Variants in CEP63 observed in about 807,000 individuals in gnomAD.
The protein encoded by CEP63 is centrosomal protein 63.
In CEP63, 84 loss-of-function variants were observed where a neutral mutation model predicts 89.1. The ratio of observed to expected loss-of-function variants is 0.94; its 90% CI spans 0.79 to 1.13. CEP63 has a LOEUF of 1.13. Ranked by LOEUF, CEP63 falls within the 50% of genes most tolerant of loss-of-function variation. The pLI is 0.00. For missense variants in CEP63, 838 were observed against 813.3 expected (o/e 1.03, Z -0.37); for synonymous variants, 267 against 272.5 (o/e 0.98, Z 0.20).
At chr3:134,672,140 CCA>C in the CEP63 span, among the ~76,000 whole-genome samples, 1 of 152,320 alleles carries the variant, frequency 6.6e-6, no homozygotes, top group South Asian at 2.1e-4. Context: ...ATATCATTGG[CCA>C]CCAGAGTCAG....
chr3:134,691,458 A>G, the CEP63 span, among the ~76,000 whole-genome samples: 308 of 149,580 alleles, frequency 2.1e-3, 3 homozygotes, highest in Middle Eastern at 0.014. Flanking sequence ...CTACAAAAAT[A>G]GCAAAAAAAT....
chr3:134,643,182 T>C, the CEP63 span: 3 of 735,276 alleles, frequency 4.1e-6, no homozygotes, highest in Non-Finnish European at 6.8e-6. Context: ...AAAAGGGTTT[T>C]CCAACACCCA....
At chr3:134,744,997 A>G in the CEP63 span, among the ~76,000 whole-genome samples, 1 of 152,238 alleles carries the variant, frequency 6.6e-6, no homozygotes, top group Non-Finnish European at 1.5e-5. Context: ...ACATATGTAT[A>G]CACTCATGGA....
At position 134,559,355 on chromosome 3, in the gene CEP63, C is replaced by G; in HGVS notation, c.1879C>G (p.Leu627Val). ...TAAAACTCATTCTTTGCCTTCAGCG[C>G]TAGATACAAATGAAGCCAATTTTTC... is the stretch of plus-strand genomic sequence containing the variant. ...LCKTHSLPSA[L>V]DTNEANFSDT... The change falls in exon 14 of 15, where the codon CTA (leucine) becomes GTA (valine). Residue 627 changes from leucine to valine, a missense_variant. Leu to Val is a conservative substitution (Grantham distance 32). Transcript: ENST00000675561. The G allele has an allele frequency of 6.2e-7, 1 of 1,613,990 alleles. No individual in the cohort carries two copies. Among genetic ancestry groups the G allele is most frequent in the Non-Finnish European group, 8.5e-7 (1 of 1,179,886 alleles).
chr3:134,488,634 C>T (rs1936516377), intron 1 of CEP63, among the ~76,000 whole-genome samples: 1 of 152,048 alleles, frequency 6.6e-6, no homozygotes, highest in African/African-American at 2.4e-5. Flanking sequence ...GTGGTTTGGC[C>T]ATTCCTCCCC....
chr3:134,543,993 C>G (rs1450846331), intron 6 of CEP63, among the ~76,000 whole-genome samples: 1 of 148,714 alleles, frequency 6.7e-6, no homozygotes, highest in African/African-American at 2.5e-5. Context: ...GCACTGAAAT[C>G]TTGATCGGTA....
chr3:134,609,786 TG>T, the CEP63 span, among the ~76,000 whole-genome samples: 1 of 152,154 alleles, frequency 6.6e-6, no homozygotes, highest in East Asian at 1.9e-4. Flanking sequence ...AGAAGGAGCC[TG>T]GTGTCTGGGC....
chr3:134,692,535 A>G, the CEP63 span, among the ~76,000 whole-genome samples: 1 of 152,204 alleles, frequency 6.6e-6, no homozygotes, highest in Non-Finnish European at 1.5e-5. Context: ...TTGCAATATC[A>G]TGCCATATAA....
chr3:134,704,584 G>T, the CEP63 span, among the ~76,000 whole-genome samples: 1 of 152,352 alleles, frequency 6.6e-6, no homozygotes, highest in African/African-American at 2.4e-5. Context: ...AATGGTTCCA[G>T]CCCCAGCCCT....
intron 4 of CEP63, 31 bp downstream of exon 4, chr3:134,531,971 G>A (rs779522462): frequency 2.7e-6 from 4 of 1,473,424 alleles, no homozygotes; most frequent in African/African-American, 1.4e-5. Context: ...AATGTTGTGT[G>A]TGTAGTTCTC....
At chr3:134,515,918 A>G (rs748732378) in intron 3 of CEP63, among the ~76,000 whole-genome samples, 3 of 152,210 alleles carry the variant, frequency 2.0e-5, no homozygotes, top group Non-Finnish European at 4.4e-5. Flanking sequence ...CAGGTTGGAC[A>G]AGCTTGTAGT....
chr3:134,688,184 T>G, the CEP63 span, among the ~76,000 whole-genome samples: 95,961 of 152,168 alleles, frequency 0.63, 31,260 homozygotes, highest in East Asian at 0.91. Context: ...ACCTGGTGAA[T>G]GTAGAAACAA....
the CEP63 span, among the ~76,000 whole-genome samples, chr3:134,714,010 A>C: frequency 2.6e-5 from 4 of 152,174 alleles, no homozygotes; most frequent in Admixed American, 6.5e-5. Context: ...TGTGAAAGGG[A>C]TGGTGAGTCC....
intron 12 of CEP63, among the ~76,000 whole-genome samples, chr3:134,557,376 G>GTTTTTTTTTTTTTTTTTTTT (rs199930556): frequency 3.0e-5 from 3 of 101,500 alleles, no homozygotes; most frequent in African/African-American, 9.8e-5. Flanking sequence ...TTCATAATTT[G>GTTTTTTTTTTTTTTTTTTTT]TTTTTTTTTT....
rs1451932459 is a variant in CEP63 at position 134,561,645 on chromosome 3, A to T, written c.*110A>T. 3.9e-6 allele frequency: 6 copies of T among 1,523,166 alleles called. No homozygotes were observed. Among genetic ancestry groups the T allele is most frequent in the Non-Finnish European group, 5.3e-6 (6 of 1,137,674 alleles). 94.4% of individuals were successfully genotyped at this position (1,523,166 alleles called of 1,614,324 possible). A position where few individuals can be genotyped will look rare whatever the true frequency, so the allele number is the denominator to read the frequency against. ...GAAGAGATAAAATTATAAAAATGAT[A>T]CATCTAAAGCAGTGGTGAAGAAAGC... On this transcript the variant is annotated 3_prime_UTR_variant, in exon 15 of 15. Coordinates refer to ENST00000675561, the MANE Select transcript of CEP63 (RefSeq NM_001353108.3).
chr3:134,676,378 G>T, the CEP63 span, among the ~76,000 whole-genome samples: 6 of 152,184 alleles, frequency 3.9e-5, no homozygotes, highest in Non-Finnish European at 8.8e-5. Flanking sequence ...TACAGAATGG[G>T]CAAGTTCAAA....
chr3:134,766,259 T>C, the CEP63 span, among the ~76,000 whole-genome samples: 3 of 152,240 alleles, frequency 2.0e-5, no homozygotes, highest in African/African-American at 7.2e-5. Flanking sequence ...GGGTCAACGC[T>C]GCAGATGTGT....
At chr3:134,699,337 G>A in the CEP63 span, among the ~76,000 whole-genome samples, 4 of 152,180 alleles carry the variant, frequency 2.6e-5, no homozygotes, top group Non-Finnish European at 5.9e-5. Context: ...TGTAGGGCAC[G>A]CTGTGGCCTG....
intron 11 of CEP63, among the ~76,000 whole-genome samples, chr3:134,551,720 A>G (rs889179163): frequency 1.4e-5 from 1 of 69,962 alleles, no homozygotes; most frequent in Non-Finnish European, 2.7e-5. Flanking sequence ...CTTTTTAGAA[A>G]GTCCATATAT....
Sources: allele counts gnomAD v4.1 joint callset (sites outside exome capture counted in the v4.1 genomes callset), GRCh38; gene constraint gnomAD v4.1.1; transcripts MANE v1.5; gene names NCBI Gene and HGNC (gene_info 2026-07-23, HGNC 2026-07-21).